Variants in SPINK5 observed in about 807,000 individuals in gnomAD.
SPINK5 encodes serine protease inhibitor Kazal-type 5.
SPINK5 carries 125 observed loss-of-function variants against 151.8 expected under a neutral mutation model. That is an observed-to-expected ratio of 0.82 (90% CI 0.71 to 0.96). SPINK5 has a LOEUF of 0.96. Ranked by LOEUF, SPINK5 falls within the 40% of genes least tolerant of loss-of-function variation. SPINK5 has a pLI of 0.00. For synonymous variants in SPINK5, 374 were observed against 395.3 expected, an observed-to-expected ratio of 0.95 and a Z score of 0.64; for missense variants, 1,194 against 1,291.9, an observed-to-expected ratio of 0.92 and a Z score of 1.16.
rs376123101 is a variant in SPINK5 at position 148,086,499 on chromosome 5, A to C, written c.377A>C (p.Tyr126Ser). The C allele has an allele frequency of 6.2e-7, 1 of 1,611,866 alleles. No individual in the cohort carries two copies. Among genetic ancestry groups the C allele is most frequent in the Non-Finnish European group, 8.5e-7 (1 of 1,178,728 alleles). Reference protein sequence around the residue: ...EAVCGTDGKTYDNRCALCAEN... With the variant: ...EAVCGTDGKTSDNRCALCAEN... Reference sequence around the variant, plus strand: ...GTTTGTGGCACAGATGGGAAAACATATGACAACAGATGTGCACTGTGTGCT... The same window carrying C: ...GTTTGTGGCACAGATGGGAAAACATCTGACAACAGATGTGCACTGTGTGCT... Residue 126 changes from tyrosine to serine, a missense_variant, in exon 5 of 33, where the codon TAT becomes TCT. Physicochemically the swap from Tyr to Ser is moderately radical, Grantham distance 144. Transcript: ENST00000256084.
chr5:148,088,452 A>G, intron 5 of SPINK5, 90 bp from the exon 6 acceptor site: 1 of 1,128,264 alleles, frequency 8.9e-7, no homozygotes, highest in Non-Finnish European at 1.3e-6. Flanking sequence ...GGAGTAAAGG[A>G]GAATGACAAT....
chr5:148,137,100 A>G lies in SPINK5; in HGVS notation c.*109A>G, dbSNP rs1754714969. 7.1e-6 allele frequency: 10 copies of G among 1,410,230 alleles called. No individual in the cohort carries two copies. The highest frequency in any genetic ancestry group is 1.7e-5 in the Admixed American group (1 of 59,402). 87.4% of individuals were successfully genotyped at this position (1,410,230 alleles called of 1,614,324 possible). ...TTCTTCGGAGCTTGTCTTATTTGCT[A>G]TAGAAAACAATACAGAGCTTTTGGG... On this transcript the variant is annotated 3_prime_UTR_variant, in exon 33 of 33. Coordinates refer to ENST00000256084, the MANE Select transcript of SPINK5 (RefSeq NM_006846.4).
chr5:148,127,165 A>G, intron 30 of SPINK5, 86 bp downstream of exon 30: 1 of 1,219,486 alleles, frequency 8.2e-7, no homozygotes, highest in South Asian at 1.3e-5. Flanking sequence ...ATTTTCATAG[A>G]AGGGTCTGAG....
intron 4 of SPINK5, among the ~76,000 whole-genome samples, chr5:148,082,449 CA>C (rs1393655199): frequency 6.6e-6 from 1 of 150,814 alleles, no homozygotes; most frequent in Non-Finnish European, 1.5e-5. Flanking sequence ...ATCTAATTTT[CA>C]AATATGTGGA....
At chr5:148,105,677 G>A (rs746420480) in intron 16 of SPINK5, among the ~76,000 whole-genome samples, 6 of 151,764 alleles carry the variant, frequency 4.0e-5, no homozygotes, top group East Asian at 1.9e-4. Flanking sequence ...GTGCAGTGGC[G>A]CAGATCTGGG....
intron 13 of SPINK5, among the ~76,000 whole-genome samples, chr5:148,101,044 A>T (rs1324428033): frequency 6.6e-6 from 1 of 152,120 alleles, no homozygotes; most frequent in East Asian, 1.9e-4. Context: ...GTCATTAGAG[A>T]TACAGTAATG....
chr5:148,086,703 G>C (rs1753165374), intron 5 of SPINK5, among the ~76,000 whole-genome samples, 171 bp downstream of exon 5: 1 of 151,630 alleles, frequency 6.6e-6, no homozygotes, highest in African/African-American at 2.4e-5. Flanking sequence ...AAGGTGTATA[G>C]CATAACACTT....
chr5:148,094,900 T>C (rs746075693), intron 9 of SPINK5, among the ~76,000 whole-genome samples: 1 of 151,962 alleles, frequency 6.6e-6, no homozygotes, highest in Non-Finnish European at 1.5e-5. Flanking sequence ...ATTGGATTAC[T>C]CTTATCTTTT....
intron 8 of SPINK5, among the ~76,000 whole-genome samples, chr5:148,092,657 G>A (rs1449012027): frequency 6.6e-6 from 1 of 151,782 alleles, no homozygotes; most frequent in Non-Finnish European, 1.5e-5. Context: ...CTCCTTGGCT[G>A]AATCACAACT....
Position 148,120,084 on chromosome 5 carries a change from G to C in SPINK5, c.2389G>C (p.Gly797Arg), listed in dbSNP as rs1318243502. The change falls in exon 25 of 33, where the codon GGT becomes CGT. Residue 797 changes from glycine (G) to arginine (R), a missense_variant. By Grantham distance (125) the Gly-to-Arg change is moderately radical (BLOSUM62 -2). Transcript: ENST00000256084. ...ICTRESDPVR[G>R]PDGKTHGNKC... is the part of the protein sequence containing the mutation. ...CACTCGAGAAAGTGACCCTGTCCGG[G>C]GTCCAGATGGCAAGACACATGGCAA... 6.2e-7 allele frequency: 1 copy of C among 1,613,886 alleles called. No individual in the cohort carries two copies. Among genetic ancestry groups the C allele is most frequent in the Non-Finnish European group, 8.5e-7 (1 of 1,179,936 alleles).
chr5:148,114,268 C>CTTT lies in SPINK5; in HGVS notation c.1888-93_1888-92insTTT, dbSNP rs377089918. ...AAAAAATTCTCAGGTCATTTTCTCT[C>CTTT]TCTTTTTTTTTTTTCTATAAAGCAC... On this transcript the variant is annotated intron_variant, in intron 20 of 32. Coordinates refer to ENST00000256084, the MANE Select transcript of SPINK5 (RefSeq NM_006846.4). 8,516 of 1,293,774 alleles carry CTTT rather than the reference C, an allele frequency of 6.6e-3. 358 individuals carry two copies. In the African/African-American group the frequency reaches 0.1, roughly 16 times the overall value. 80.1% of individuals were successfully genotyped at this position (1,293,774 alleles called of 1,614,324 possible).
chr5:148,111,002 GA>G (rs1753911383), intron 18 of SPINK5, among the ~76,000 whole-genome samples: 1 of 151,858 alleles, frequency 6.6e-6, no homozygotes, highest in African/African-American at 2.4e-5. Flanking sequence ...AAAAAACAAT[GA>G]AAACAACAAC....
Position 148,088,546 on chromosome 5 carries a change from AC to A in SPINK5, c.417del (p.Ser141ProfsTer5). ...RCALCAENAK[T>X]GSQIGVKSEG... The stretch of plus-strand genomic sequence containing the variant: ...TCTACTAACTTTTGATTCTAGGAAA[AC>A]CGGGTCCCAAATTGGTGTAAAAAGT... On this transcript the variant is annotated frameshift_variant, in exon 6 of 33. Transcript: ENST00000256084. LOFTEE classifies it high-confidence loss of function. 1.9e-6 allele frequency: 3 copies of A among 1,611,676 alleles called. No individual in the cohort carries two copies. Among genetic ancestry groups the A allele is most frequent in the Non-Finnish European group, 2.5e-6 (3 of 1,178,478 alleles).
Position 148,063,983 on chromosome 5 carries a change from C to A in SPINK5, c.-62C>A. The A allele has an allele frequency of 1.9e-6, 3 of 1,580,396 alleles. No individual in the cohort carries two copies. Among genetic ancestry groups the A allele is most frequent in the Middle Eastern group, 1.7e-4 (1 of 5,850 alleles). ...TAAACTGCATCGCCCCGAGTTCAGT[C>A]ATACTGCACCAGCTGAGCAATGCAT... On this transcript the variant is annotated 5_prime_UTR_variant, in exon 1 of 33. Coordinates refer to ENST00000256084, the MANE Select transcript of SPINK5 (RefSeq NM_006846.4).
intron 30 of SPINK5, among the ~76,000 whole-genome samples, chr5:148,128,178 C>T (rs1754481483): frequency 1.3e-5 from 2 of 151,744 alleles, no homozygotes; most frequent in African/African-American, 2.4e-5. Context: ...TTGAGCTCCA[C>T]ATCAGGGATC....
chr5:148,105,128 T>A (rs1753748561), intron 16 of SPINK5, 128 bp downstream of exon 16: 6 of 1,064,388 alleles, frequency 5.6e-6, no homozygotes, highest in Non-Finnish European at 6.9e-6. Flanking sequence ...AGAACATTTT[T>A]AACCTGAACA....
At chr5:148,090,090 C>T (rs1293325728) in intron 7 of SPINK5, among the ~76,000 whole-genome samples, 3 of 151,770 alleles carry the variant, frequency 2.0e-5, no homozygotes, top group Non-Finnish European at 4.4e-5. Context: ...GAACGCGGAT[C>T]ATTACAAAAG....
At chr5:148,134,078 A>G in intron 32 of SPINK5, 191 bp downstream of exon 32, 1 of 675,318 alleles carries the variant, frequency 1.5e-6, no homozygotes, top group Non-Finnish European at 2.7e-6. Flanking sequence ...GAAATAATGT[A>G]GCAGTTAATA....
At chr5:148,122,866 A>T (rs1261229298) in intron 26 of SPINK5, among the ~76,000 whole-genome samples, 5 of 127,802 alleles carry the variant, frequency 3.9e-5, no homozygotes, top group South Asian at 2.6e-4. Context: ...TCGCACAATA[A>T]TTTTTTTTTT....
Sources: allele counts gnomAD v4.1 joint callset (sites outside exome capture counted in the v4.1 genomes callset), GRCh38; gene constraint gnomAD v4.1.1; transcripts MANE v1.5; gene names NCBI Gene and HGNC (gene_info 2026-07-23, HGNC 2026-07-21).